The following EXOC6B variants were observed in gnomAD, a reference collection of about 807,000 sequenced individuals.
EXOC6B encodes SEC15 homolog B.
EXOC6B carries 54 observed loss-of-function variants against 113.5 expected under a neutral mutation model. That is an observed-to-expected ratio of 0.48 (90% CI 0.38 to 0.60). EXOC6B has a LOEUF of 0.60. Among genes scored for constraint, EXOC6B ranks in the 20% least tolerant of loss-of-function variants. The pLI is 0.00. For missense variants in EXOC6B, 797 were observed against 977.5 expected, an observed-to-expected ratio of 0.82 and a Z score of 2.46; for synonymous variants, 357 against 339.0, an observed-to-expected ratio of 1.05 and a Z score of -0.58.
At chr2:72,401,501 ATATATAT>A (rs1693162135) in intron 18 of EXOC6B, among the ~76,000 whole-genome samples, 1 of 57,712 alleles carries the variant, frequency 1.7e-5, no homozygotes, top group African/African-American at 3.1e-4. Context: ...ATACATATAT[ATATATAT>A]ATATATACAT....
intron 7 of EXOC6B, among the ~76,000 whole-genome samples, chr2:72,563,448 T>G (rs1194580254): frequency 1.3e-5 from 2 of 152,174 alleles, no homozygotes; most frequent in Non-Finnish European, 2.9e-5. Flanking sequence ...TTGTGGAATA[T>G]ATTTGTTGTT....
intron 7 of EXOC6B, among the ~76,000 whole-genome samples, chr2:72,565,942 T>C (rs1189591096): frequency 6.6e-6 from 1 of 152,124 alleles, no homozygotes; most frequent in Non-Finnish European, 1.5e-5. Flanking sequence ...TCAACCATCC[T>C]GCTTCTGGGA....
chr2:72,377,266 T>C (rs533609318), intron 19 of EXOC6B, among the ~76,000 whole-genome samples: 24 of 152,308 alleles, frequency 1.6e-4, no homozygotes, highest in African/African-American at 5.3e-4. Context: ...TGTAAATTAG[T>C]ACAGCCATTA....
At chr2:72,614,840 A>G (rs1337600054) in intron 6 of EXOC6B, among the ~76,000 whole-genome samples, 4 of 152,190 alleles carry the variant, frequency 2.6e-5, no homozygotes, top group Non-Finnish European at 4.4e-5. Context: ...TTTGCCAATT[A>G]CAATCCAGAA....
chr2:72,232,293 T>C (rs1681674463), intron 20 of EXOC6B, among the ~76,000 whole-genome samples: 1 of 152,048 alleles, frequency 6.6e-6, no homozygotes, highest in African/African-American at 2.4e-5. Context: ...TTAGCAAAGA[T>C]TTTTTAAAAA....
chr2:72,395,967 A>G (rs1460668896), intron 18 of EXOC6B, among the ~76,000 whole-genome samples: 1 of 152,118 alleles, frequency 6.6e-6, no homozygotes, highest in Non-Finnish European at 1.5e-5. Context: ...TTAAAAGGAA[A>G]TTTTATATGG....
chr2:72,679,946 T>A (rs1676577546), intron 6 of EXOC6B, among the ~76,000 whole-genome samples: 1 of 152,210 alleles, frequency 6.6e-6, no homozygotes, highest in Non-Finnish European at 1.5e-5. Context: ...AAAATTTGGA[T>A]GAGATTTATA....
chr2:72,356,501 C>T (rs72841784), intron 19 of EXOC6B, among the ~76,000 whole-genome samples: 8,473 of 152,132 alleles, frequency 0.056, 267 homozygotes, highest in Non-Finnish European at 0.074. Flanking sequence ...TTGTGAATAG[C>T]CACCATACTC....
At chr2:72,653,354 A>G (rs1224294875) in intron 6 of EXOC6B, among the ~76,000 whole-genome samples, 58 of 137,452 alleles carry the variant, frequency 4.2e-4, no homozygotes, top group African/African-American at 1.5e-3. Context: ...GGAATTGAAC[A>G]ATGAGAACAC....
chr2:72,346,105 A>G (rs1342328874), intron 19 of EXOC6B, among the ~76,000 whole-genome samples: 1 of 152,184 alleles, frequency 6.6e-6, no homozygotes, highest in African/African-American at 2.4e-5. Context: ...ATTAAAATTG[A>G]TAATAATGAA....
At chr2:72,633,780 G>T (rs1188494080) in intron 6 of EXOC6B, among the ~76,000 whole-genome samples, 1 of 152,060 alleles carries the variant, frequency 6.6e-6, no homozygotes, top group Admixed American at 6.6e-5. Flanking sequence ...ATAAAACAGG[G>T]TCTGTCCCAT....
At chr2:72,590,202 G>A (rs1009956296) in intron 6 of EXOC6B, among the ~76,000 whole-genome samples, 1 of 151,866 alleles carries the variant, frequency 6.6e-6, no homozygotes, top group Non-Finnish European at 1.5e-5. Flanking sequence ...ACTTATCATA[G>A]ACAAAAACTC....
At chr2:72,577,880 CA>C (rs1252684962) in intron 6 of EXOC6B, among the ~76,000 whole-genome samples, 1 of 151,960 alleles carries the variant, frequency 6.6e-6, no homozygotes, top group Non-Finnish European at 1.5e-5. Flanking sequence ...GAGAGGGGTA[CA>C]AGGAATACAA....
At chr2:72,737,985 A>T (rs1681072700) in intron 2 of EXOC6B, among the ~76,000 whole-genome samples, 1 of 152,140 alleles carries the variant, frequency 6.6e-6, no homozygotes, top group African/African-American at 2.4e-5. Flanking sequence ...AATACTCTGT[A>T]TTTTATTTTT....
At chr2:72,456,318 T>C (rs1165914483) in intron 18 of EXOC6B, among the ~76,000 whole-genome samples, 1 of 152,160 alleles carries the variant, frequency 6.6e-6, no homozygotes, top group Non-Finnish European at 1.5e-5. Flanking sequence ...ACTTCTCTTT[T>C]CTATAATTAA....
chr2:72,498,465 T>G lies in EXOC6B; in HGVS notation c.1326A>C (p.Ala442=). The change falls in exon 13 of 22, where the codon GCA becomes GCC. Residue 442 remains alanine, a synonymous_variant. Transcript: ENST00000272427. ...QYSETLLKKW[A]GIFRNILDSD... The stretch of plus-strand genomic sequence containing the variant: ...AGATAATTTCTCACCTGAAAATACC[T>G]GCCCACTTCTTTAGCAGAGTTTCAC... 4.3e-6 allele frequency: 7 copies of G among 1,609,342 alleles called. No homozygotes were observed. Among genetic ancestry groups the G allele is most frequent in the Non-Finnish European group, 5.9e-6 (7 of 1,177,694 alleles).
chr2:72,314,513 C>T (rs1687393032), intron 20 of EXOC6B, among the ~76,000 whole-genome samples: 1 of 152,164 alleles, frequency 6.6e-6, no homozygotes, highest in Non-Finnish European at 1.5e-5. Flanking sequence ...TAGTTTTTCT[C>T]TCCGTACCAA....
rs1308161850 is a variant in EXOC6B, at chr2:72,177,947, T to G, written c.*1388A>C. The G allele has an allele frequency of 6.6e-6, 1 of 152,238 alleles. No homozygotes were observed. Among genetic ancestry groups the G allele is most frequent in the Non-Finnish European group, 1.5e-5 (1 of 68,052 alleles). The allele number at this position is 152,238 out of a possible 1,614,324, so 9.4% of individuals were successfully genotyped here. A position where few individuals can be genotyped will look rare whatever the true frequency, so the allele number is the denominator to read the frequency against. On this transcript the variant is annotated 3_prime_UTR_variant, in exon 22 of 22. Transcript: ENST00000272427. Reference sequence around the variant, plus strand: ...GTCTTAAAGTACAGTTTCCCCCGACTGACCTCATAGCAAAGCCCTTGCGTT... The same window carrying G: ...GTCTTAAAGTACAGTTTCCCCCGACGGACCTCATAGCAAAGCCCTTGCGTT...
chr2:72,230,800 G>A lies in EXOC6B; in HGVS notation c.2197-46613C>T, dbSNP rs944249500. Among the ~76,000 whole-genome samples, 4 of 152,246 alleles carry A rather than the reference G, an allele frequency of 2.6e-5. No individual in the cohort carries two copies. In the East Asian group the frequency reaches 5.8e-4, roughly 22 times the overall value. On this transcript the variant is annotated intron_variant, in intron 20 of 21. Coordinates refer to ENST00000272427, the MANE Select transcript of EXOC6B (RefSeq NM_015189.3). ...CTAGTTGTAGGAATTAGGATTTGAT[G>A]TGAGTATTGAAGTATTGCTAGGAAT...
Sources: gnomAD v4.1 joint callset for allele counts (sites outside exome capture counted in the v4.1 genomes callset) on GRCh38, gnomAD v4.1.1 for gene constraint, MANE v1.5 for transcripts, NCBI Gene and HGNC (gene_info 2026-07-23, HGNC 2026-07-21) for gene names.